CCDC60: variants seen among roughly 807,000 people sequenced by gnomAD.
CCDC60 encodes the protein coiled-coil domain-containing protein 60.
CCDC60 carries 54 observed loss-of-function variants against 63.5 expected under a neutral mutation model. The ratio of observed to expected loss-of-function variants is 0.85; its 90% CI spans 0.68 to 1.07. CCDC60 has a LOEUF of 1.07. CCDC60 is among the 50% of genes least tolerant of loss of function. CCDC60 has a pLI of 0.00. For missense variants in CCDC60, 651 were observed against 684.3 expected (o/e 0.95, Z 0.54); for synonymous variants, 206 against 238.8 (o/e 0.86, Z 1.27).
chr12:119,513,862 A>G (rs1952280489), intron 7 of CCDC60, among the ~76,000 whole-genome samples: 1 of 152,228 alleles, frequency 6.6e-6, no homozygotes, highest in African/African-American at 2.4e-5. Context: ...TGTACTTGAT[A>G]ACGATCAAAT....
intron 3 of CCDC60, among the ~76,000 whole-genome samples, chr12:119,475,641 A>C (rs190405121): frequency 1.3e-5 from 2 of 152,328 alleles, no homozygotes; most frequent in African/African-American, 4.8e-5. Context: ...GTAGTGGTGA[A>C]GTACACAAGC....
At chr12:119,393,330 G>C (rs563115156) in intron 1 of CCDC60, among the ~76,000 whole-genome samples, 1 of 152,340 alleles carries the variant, frequency 6.6e-6, no homozygotes, top group South Asian at 2.1e-4. Flanking sequence ...CTTGGAAAGG[G>C]AGGAGGGGGA....
chr12:119,356,210 A>G (rs545350349), intron 1 of CCDC60, among the ~76,000 whole-genome samples: 1 of 152,328 alleles, frequency 6.6e-6, no homozygotes, highest in East Asian at 1.9e-4. Context: ...ATTCCAGAAT[A>G]TTCTAGAGGG....
chr12:119,360,920 G>A (rs925295932), intron 1 of CCDC60, among the ~76,000 whole-genome samples: 7 of 152,158 alleles, frequency 4.6e-5, no homozygotes, highest in Non-Finnish European at 7.4e-5. Flanking sequence ...GATCACTCGC[G>A]GTTAGGAGCT....
intron 1 of CCDC60, among the ~76,000 whole-genome samples, chr12:119,366,630 A>G (rs1375001641): frequency 1.3e-5 from 2 of 152,134 alleles, no homozygotes; most frequent in East Asian, 1.9e-4. Flanking sequence ...GTAGCAAGAG[A>G]GAGTCTTAAC....
chr12:119,490,807 G>A (rs1182217996), intron 5 of CCDC60, among the ~76,000 whole-genome samples: 1 of 152,048 alleles, frequency 6.6e-6, no homozygotes, highest in Non-Finnish European at 1.5e-5. Context: ...TCTAGCTCAT[G>A]CCCTCAAGCA....
chr12:119,477,374 C>T (rs547310075), intron 3 of CCDC60, among the ~76,000 whole-genome samples: 27 of 152,192 alleles, frequency 1.8e-4, no homozygotes, highest in Non-Finnish European at 3.5e-4. Flanking sequence ...CAAGGAAGTA[C>T]AGTATTCCCT....
intron 1 of CCDC60, among the ~76,000 whole-genome samples, chr12:119,358,957 A>G (rs1360479306): frequency 6.6e-6 from 1 of 152,170 alleles, no homozygotes; most frequent in Non-Finnish European, 1.5e-5. Flanking sequence ...ATTTCCCATG[A>G]GTGGAATTGC....
intron 13 of CCDC60, 68 bp downstream of exon 13, chr12:119,531,131 G>C: frequency 4.3e-6 from 6 of 1,397,666 alleles, no homozygotes; most frequent in Non-Finnish European, 6.0e-6. Flanking sequence ...TCAACATTCA[G>C]GCACTGTTTA....
At chr12:119,439,543 C>G (rs1428069792) in intron 2 of CCDC60, among the ~76,000 whole-genome samples, 1 of 152,138 alleles carries the variant, frequency 6.6e-6, no homozygotes, top group Admixed American at 6.5e-5. Flanking sequence ...CTCTGTTCTC[C>G]CAAGTCATGA....
At chr12:119,433,605 C>T in intron 2 of CCDC60, 1 of 702,268 alleles carries the variant, frequency 1.4e-6, no homozygotes, top group Non-Finnish European at 2.6e-6. Flanking sequence ...CCCCATATCC[C>T]AGTATTAAAT....
At chr12:119,465,370 A>G (rs1950934156) in intron 2 of CCDC60, among the ~76,000 whole-genome samples, 1 of 152,184 alleles carries the variant, frequency 6.6e-6, no homozygotes, top group African/African-American at 2.4e-5. Flanking sequence ...TATAAGCCTC[A>G]GCTTCCAGGT....
At chr12:119,336,544 C>A (rs1955473793) in intron 1 of CCDC60, among the ~76,000 whole-genome samples, 1 of 152,210 alleles carries the variant, frequency 6.6e-6, no homozygotes, top group African/African-American at 2.4e-5. Flanking sequence ...ACAGGCATAT[C>A]CCCTCTCTCT....
chr12:119,369,801 G>A lies in CCDC60; in HGVS notation c.90+34535G>A, dbSNP rs573669127. Reference sequence around the variant, plus strand: ...CCTGCTGCCTCCCAGTACCTAGCACGGGGCCTGGCATGGAGCAGGTGCCAG... The same window carrying A: ...CCTGCTGCCTCCCAGTACCTAGCACAGGGCCTGGCATGGAGCAGGTGCCAG... On this transcript the variant is annotated intron_variant, in intron 1 of 13. Transcript: ENST00000327554. 1.1e-3 allele frequency among the ~76,000 whole-genome samples: 162 copies of A among 152,264 alleles called. 1 individual carries two copies. Among genetic ancestry groups the A allele is most frequent in the African/African-American group, 3.7e-3 (153 of 41,562 alleles).
intron 1 of CCDC60, among the ~76,000 whole-genome samples, chr12:119,397,088 C>A (rs1184189534): frequency 6.6e-6 from 1 of 151,974 alleles, no homozygotes; most frequent in Non-Finnish European, 1.5e-5. Flanking sequence ...TCGTTCCTCC[C>A]CTCCAGAGTT....
intron 2 of CCDC60, chr12:119,429,538 A>C (rs1279792092): frequency 6.6e-6 from 1 of 152,176 alleles, no homozygotes; most frequent in Non-Finnish European, 1.5e-5. Flanking sequence ...GTAGCGGGGA[A>C]GTTCTATTGA....
At position 119,533,807 on chromosome 12, in the gene CCDC60, T is replaced by C. The variant is rs1429264794; in HGVS notation, c.1551+2744T>C. On this transcript the variant is annotated intron_variant, in intron 13 of 13. Coordinates refer to ENST00000327554, the MANE Select transcript of CCDC60 (RefSeq NM_178499.5). ...CTGTTTTGGTACCAGTACCATGCAGTTTTGGTTACTGTAGCCTTGTAGTAT... is the reference window on the plus strand; with the variant it reads ...CTGTTTTGGTACCAGTACCATGCAGCTTTGGTTACTGTAGCCTTGTAGTAT... Among the ~76,000 whole-genome samples, 8 of 152,302 alleles carry C rather than the reference T, an allele frequency of 5.3e-5. No homozygotes were observed. The South Asian group carries it at 1.7e-3, about 32-fold the overall frequency.
chr12:119,350,377 T>C (rs1955644369), intron 1 of CCDC60, among the ~76,000 whole-genome samples: 1 of 151,952 alleles, frequency 6.6e-6, no homozygotes, highest in Admixed American at 6.6e-5. Context: ...TTTTTGTATT[T>C]TTAGTAGACA....
chr12:119,473,747 T>C (rs1366688622), intron 3 of CCDC60, among the ~76,000 whole-genome samples: 2 of 152,214 alleles, frequency 1.3e-5, no homozygotes, highest in Non-Finnish European at 2.9e-5. Context: ...AGAATAATGG[T>C]CTCCAACTCC....
Sources: allele counts gnomAD v4.1 joint callset (sites outside exome capture counted in the v4.1 genomes callset), GRCh38; gene constraint gnomAD v4.1.1; transcripts MANE v1.5; gene names NCBI Gene and HGNC (gene_info 2026-07-23, HGNC 2026-07-21).